The following MED13 variants were observed in gnomAD, a reference collection of about 807,000 sequenced individuals.
MED13 encodes mediator of RNA polymerase II transcription subunit 13.
MED13 carries 23 observed loss-of-function variants against 225.2 expected under a neutral mutation model. The observed-to-expected ratio is 0.10, with a 90% CI of 0.07 to 0.14. MED13 has a LOEUF of 0.14. Ranked by LOEUF, MED13 falls within the 10% of genes least tolerant of loss-of-function variation. The pLI is 1.00. For synonymous variants in MED13, 942 were observed against 889.2 expected, an observed-to-expected ratio of 1.06 and a Z score of -1.06; for missense variants, 2,197 against 2,594.5, an observed-to-expected ratio of 0.85 and a Z score of 3.33.
intron 3 of MED13, among the ~76,000 whole-genome samples, chr17:62,043,097 A>G (rs370320035): frequency 4.6e-5 from 6 of 129,580 alleles, no homozygotes; most frequent in African/African-American, 1.7e-4. Context: ...CAGAGGTTGG[A>G]GTGAGTCAAG....
At chr17:61,952,091 C>T (rs1297035273) in intron 27 of MED13, among the ~76,000 whole-genome samples, 3 of 152,034 alleles carry the variant, frequency 2.0e-5, no homozygotes, top group Non-Finnish European at 4.4e-5. Flanking sequence ...GATGGGGTTT[C>T]ACTGTGTTAG....
chr17:62,060,249 C>A (rs1229827982), intron 2 of MED13, among the ~76,000 whole-genome samples: 1 of 151,858 alleles, frequency 6.6e-6, no homozygotes, highest in Non-Finnish European at 1.5e-5. Context: ...GCTGAGATTG[C>A]GCCACTGCAC....
intron 12 of MED13, among the ~76,000 whole-genome samples, chr17:61,986,565 T>G (rs1421070467): frequency 6.6e-6 from 1 of 152,226 alleles, no homozygotes. Flanking sequence ...ATAATAGCTG[T>G]GATGCAAAAC....
rs1343084269 is a variant in MED13, at chr17:61,946,495, T to C, written c.6498A>G (p.Leu2166=). 6.2e-7 allele frequency: 1 copy of C among 1,613,890 alleles called. No individual in the cohort carries two copies. The highest frequency in any genetic ancestry group is 1.1e-5 in the South Asian group (1 of 91,084). The change falls in exon 30 of 30, where the codon TTA becomes TTG. Residue 2166 remains leucine (L), a synonymous_variant. Transcript: ENST00000397786. ...LPIHFVVLNQ[L]YNFIMNML ...ACAGCATATTCATAATAAAGTTATA[T>C]AACTGATTCAGCACCACAAAATGAA...
intron 3 of MED13, among the ~76,000 whole-genome samples, chr17:62,051,599 T>C (rs571512088): frequency 1.2e-4 from 18 of 152,124 alleles, no homozygotes; most frequent in Non-Finnish European, 2.5e-4. Context: ...CAGGCTTATC[T>C]ACTCATCCAG....
At chr17:61,963,202 C>CAA (rs11290002) in intron 20 of MED13, among the ~76,000 whole-genome samples, 32 of 55,790 alleles carry the variant, frequency 5.7e-4, no homozygotes, top group East Asian at 1.3e-3. Context: ...TTAAATTTAC[C>CAA]AAAAAAAAAA....
intron 19 of MED13, 105 bp downstream of exon 19, chr17:61,966,357 A>G (rs2080057730): frequency 3.4e-6 from 3 of 890,336 alleles, no homozygotes; most frequent in Non-Finnish European, 5.2e-6. Context: ...AAATACATAA[A>G]TGAGGATGGC....
intron 23 of MED13, among the ~76,000 whole-genome samples, chr17:61,957,122 C>G (rs769390326): frequency 6.6e-6 from 1 of 152,070 alleles, no homozygotes; most frequent in African/African-American, 2.4e-5. Context: ...TCTCGGCTCA[C>G]TGCAACCTCT....
intron 8 of MED13, among the ~76,000 whole-genome samples, chr17:62,014,978 T>C (rs986564827): frequency 6.6e-6 from 1 of 152,126 alleles, no homozygotes; most frequent in Non-Finnish European, 1.5e-5. Flanking sequence ...AGAAGTAAAA[T>C]TACATGACAA....
intron 8 of MED13, among the ~76,000 whole-genome samples, chr17:62,013,488 T>C (rs748482807): frequency 6.6e-6 from 1 of 152,178 alleles, no homozygotes; most frequent in Non-Finnish European, 1.5e-5. Flanking sequence ...ATTCAACCCC[T>C]ATTTATATAC....
chr17:62,050,708 A>T (rs1001071521), intron 3 of MED13, among the ~76,000 whole-genome samples: 33 of 152,160 alleles, frequency 2.2e-4, no homozygotes, highest in Admixed American at 2.2e-3. Flanking sequence ...AAAACTACAT[A>T]AATCTATATG....
intron 16 of MED13, among the ~76,000 whole-genome samples, chr17:61,980,174 C>T (rs985702285): frequency 1.3e-5 from 2 of 151,898 alleles, no homozygotes; most frequent in African/African-American, 4.8e-5. Flanking sequence ...GGTGACAGAG[C>T]GAGACTCTGT....
chr17:61,954,884 A>G lies in MED13; in HGVS notation c.5968+498T>C, dbSNP rs534212855. On this transcript the variant is annotated intron_variant, in intron 26 of 29. Coordinates refer to ENST00000397786, the MANE Select transcript of MED13 (RefSeq NM_005121.3). ...GTATTAGTTTCCTGTTGCCACTTTA[A>G]TAAGTTACCACAAACTGTTGGCTTA... is the stretch of plus-strand genomic sequence containing the variant. Among the ~76,000 whole-genome samples the G allele has an allele frequency of 2.6e-5, 4 of 152,338 alleles. No individual in the cohort carries two copies. The South Asian group carries it at 6.2e-4, about 24-fold the overall frequency.
At chr17:61,953,597 G>C (rs550641365) in intron 26 of MED13, among the ~76,000 whole-genome samples, 8 of 152,294 alleles carry the variant, frequency 5.3e-5, no homozygotes, top group Admixed American at 1.3e-4. Flanking sequence ...CAAAGGCAAG[G>C]AAACATTTTC....
At chr17:62,008,412 C>A (rs2143578100) in intron 9 of MED13, among the ~76,000 whole-genome samples, 1 of 150,110 alleles carries the variant, frequency 6.7e-6, no homozygotes, top group South Asian at 2.1e-4. Context: ...TACACAGATT[C>A]TTGTGACATT....
chr17:62,031,810 T>A (rs1414995776), intron 5 of MED13, among the ~76,000 whole-genome samples, 172 bp from the exon 6 acceptor site: 1 of 150,460 alleles, frequency 6.6e-6, no homozygotes. Flanking sequence ...TTTTTTTTTC[T>A]CTTTTTTAGA....
chr17:61,961,747 C>G lies in MED13; in HGVS notation c.5097G>C (p.Val1699=). 6.2e-7 allele frequency: 1 copy of G among 1,613,954 alleles called. No homozygotes were observed. The highest frequency in any genetic ancestry group is 8.5e-7 in the Non-Finnish European group (1 of 1,179,986). The part of the protein sequence containing the change: ...IIPCQYLLQP[V]KHEDREIYPQ... The stretch of plus-strand genomic sequence containing the variant: ...GATAGATTTCTCTATCTTCATGCTT[C>G]ACAGGTTGCAACAGGTACTGACAAG... The change falls in exon 22 of 30, where the codon GTG becomes GTC. Residue 1699 remains valine, a synonymous_variant. Coordinates refer to ENST00000397786, the MANE Select transcript of MED13 (RefSeq NM_005121.3).
At chr17:62,064,531 G>C (rs1316988171) in intron 1 of MED13, among the ~76,000 whole-genome samples, 1 of 152,148 alleles carries the variant, frequency 6.6e-6, no homozygotes, top group Admixed American at 6.5e-5. Context: ...AAGATGGCTA[G>C]AAATTGTCAA....
At chr17:61,967,492 A>G (rs1220828456) in intron 18 of MED13, among the ~76,000 whole-genome samples, 1 of 152,198 alleles carries the variant, frequency 6.6e-6, no homozygotes, top group Non-Finnish European at 1.5e-5. Flanking sequence ...GCCTTTGTGG[A>G]AAAAGGAGGG....
Sources: allele counts gnomAD v4.1 joint callset (sites outside exome capture counted in the v4.1 genomes callset), GRCh38; gene constraint gnomAD v4.1.1; transcripts MANE v1.5; gene names NCBI Gene and HGNC (gene_info 2026-07-23, HGNC 2026-07-21).